DCAF17: variants seen among roughly 807,000 people sequenced by gnomAD.
DCAF17 encodes the protein DDB1- and CUL4-associated factor 17.
In DCAF17, 48 loss-of-function variants were observed where a neutral mutation model predicts 66.0. The observed-to-expected ratio is 0.73, with a 90% CI of 0.58 to 0.92. The LOEUF is 0.92. DCAF17 is among the 40% of genes least tolerant of loss of function. DCAF17 has a pLI of 0.00. For missense variants in DCAF17, 562 were observed against 622.8 expected (o/e 0.90, Z 1.04); for synonymous variants, 206 against 214.6 (o/e 0.96, Z 0.35).
chr2:171,482,795 CT>C lies in DCAF17; in HGVS notation c.*1687del, dbSNP rs1277909417. 4 of 453,590 alleles carry C rather than the reference CT, an allele frequency of 8.8e-6. No individual in the cohort carries two copies. Among genetic ancestry groups the C allele is most frequent in the Non-Finnish European group, 1.3e-5 (3 of 226,708 alleles). 28.1% of individuals were successfully genotyped at this position (453,590 alleles called of 1,614,324 possible). ...TGAGAAATAGCTGAATTCCTGGCTG[CT>C]TTTTTGCTGGGGGTAGATGGTGGAA... On this transcript the variant is annotated 3_prime_UTR_variant, in exon 14 of 14. Coordinates refer to ENST00000375255, the MANE Select transcript of DCAF17 (RefSeq NM_025000.4).
intron 4 of DCAF17, among the ~76,000 whole-genome samples, chr2:171,449,506 T>A (rs13396824): frequency 0.056 from 8,507 of 152,316 alleles, 269 homozygotes; most frequent in African/African-American, 0.072. Flanking sequence ...ACTATTAGTT[T>A]TATAAATTAG....
chr2:171,462,308 A>G (rs1000029612), intron 8 of DCAF17, among the ~76,000 whole-genome samples: 6 of 152,212 alleles, frequency 3.9e-5, no homozygotes, highest in Non-Finnish European at 8.8e-5. Flanking sequence ...AACAGGAGAC[A>G]TAGTTACAAA....
In DCAF17 at chr2:171,482,893, C is replaced by G. The variant is rs1301034076; in HGVS notation, c.*1779C>G. On this transcript the variant is annotated 3_prime_UTR_variant, in exon 14 of 14. Transcript: ENST00000375255. ...TCACCACTGCCTAAATCTAACTAGACCAGGGTCCAAATGCCATCCAGGCCA... is the reference window on the plus strand; with the variant it reads ...TCACCACTGCCTAAATCTAACTAGAGCAGGGTCCAAATGCCATCCAGGCCA... 3 of 454,034 alleles carry G rather than the reference C, an allele frequency of 6.6e-6. No homozygotes were observed. Among genetic ancestry groups the G allele is most frequent in the South Asian group, 4.7e-5 (3 of 64,466 alleles). 28.1% of individuals were successfully genotyped at this position (454,034 alleles called of 1,614,324 possible). A position where few individuals can be genotyped will look rare whatever the true frequency, so the allele number is the denominator to read the frequency against.
At chr2:171,467,942 C>T (rs528625147) in intron 8 of DCAF17, among the ~76,000 whole-genome samples, 78 of 152,144 alleles carry the variant, frequency 5.1e-4, no homozygotes, top group African/African-American at 1.8e-3. Flanking sequence ...CTTCCTAAGA[C>T]AAGCCCCTTT....
At chr2:171,442,257 C>A (rs1694345781) in intron 2 of DCAF17, among the ~76,000 whole-genome samples, 1 of 152,090 alleles carries the variant, frequency 6.6e-6, no homozygotes. Flanking sequence ...TTTCAAAGTT[C>A]ATTTAAAAAA....
Position 171,472,658 on chromosome 2 carries a change from GTTA to G in DCAF17, c.982-1202_982-1200del, listed in dbSNP as rs1696311931. On this transcript the variant is annotated intron_variant, in intron 9 of 13. Coordinates refer to ENST00000375255, the MANE Select transcript of DCAF17 (RefSeq NM_025000.4). ...CACAATCATAGCTCACAATAACTGC[GTTA>G]TTATTTTTTGTTTATGTTTCTGCCT... 2.0e-5 allele frequency among the ~76,000 whole-genome samples: 3 copies of G among 152,168 alleles called. No homozygotes were observed. The South Asian group carries it at 6.2e-4, about 32-fold the overall frequency.
intron 10 of DCAF17, 127 bp from the exon 11 acceptor site, chr2:171,476,733 T>G (rs1696514065): frequency 1.5e-6 from 1 of 686,330 alleles, no homozygotes. Context: ...TATTGTAGAC[T>G]AATCAAGAGA....
chr2:171,482,853 G>T lies in DCAF17; in HGVS notation c.*1739G>T, dbSNP rs771570661. 6.6e-6 allele frequency: 3 copies of T among 454,008 alleles called. No individual in the cohort carries two copies. The highest frequency in any genetic ancestry group is 4.7e-5 in the South Asian group (3 of 64,472). The allele number at this position is 454,008 out of a possible 1,614,324, so 28.1% of individuals were successfully genotyped here. On this transcript the variant is annotated 3_prime_UTR_variant, in exon 14 of 14. Transcript: ENST00000375255. The stretch of plus-strand genomic sequence containing the variant: ...TGGTCTAGATATAACTTACCACTAA[G>T]AAACCCCCAGTATGTCACCACTGCC...
At chr2:171,450,837 C>A (rs1200342696) in intron 5 of DCAF17, among the ~76,000 whole-genome samples, 2 of 152,076 alleles carry the variant, frequency 1.3e-5, no homozygotes, top group Non-Finnish European at 2.9e-5. Context: ...TCAGTAGATA[C>A]TTTTATCATC....
rs1405585975 is a variant in DCAF17, at chr2:171,484,546, G to C, written c.*3432G>C. ...ACTTCCCCCTAGTACTTCAACTGCA[G>C]ATTATTAACTAGAGTTTAGTATTTA... is the stretch of plus-strand genomic sequence containing the variant. On this transcript the variant is annotated 3_prime_UTR_variant, in exon 14 of 14. Coordinates refer to ENST00000375255, the MANE Select transcript of DCAF17 (RefSeq NM_025000.4). The C allele has an allele frequency of 2.2e-6, 1 of 452,300 alleles. No homozygotes were observed. Among genetic ancestry groups the C allele is most frequent in the Admixed American group, 2.4e-5 (1 of 42,452 alleles). The allele number at this position is 452,300 out of a possible 1,614,324, so 28.0% of individuals were successfully genotyped here.
chr2:171,463,183 C>T (rs4496302), intron 8 of DCAF17, among the ~76,000 whole-genome samples: 32,296 of 149,980 alleles, frequency 0.22, 3,555 homozygotes, highest in South Asian at 0.28. Flanking sequence ...GTGAGTGAGA[C>T]TGCGCCACTG....
chr2:171,477,880 A>T (rs940956118), intron 11 of DCAF17, 107 bp from the exon 12 acceptor site: 4 of 830,180 alleles, frequency 4.8e-6, no homozygotes, highest in East Asian at 2.7e-5. Flanking sequence ...AGAATTGTGG[A>T]TGTGGGAGAA....
intron 2 of DCAF17, among the ~76,000 whole-genome samples, chr2:171,442,238 G>A (rs1478511364): frequency 2.0e-5 from 3 of 152,154 alleles, no homozygotes; most frequent in Non-Finnish European, 4.4e-5. Context: ...TCTTTCAACA[G>A]TAATTTAATT....
rs533535391 is a variant in DCAF17 at position 171,464,432 on chromosome 2, G to C, written c.839-4456G>C. 2.0e-5 allele frequency among the ~76,000 whole-genome samples: 3 copies of C among 152,214 alleles called. No homozygotes were observed. The South Asian group carries it at 6.2e-4, about 32-fold the overall frequency. Reference sequence around the variant, plus strand: ...TTGTGGCAGCATAACTCCAAATTCTGCCTCTCACTTTTCCATGGCCTTTCT... The same window carrying C: ...TTGTGGCAGCATAACTCCAAATTCTCCCTCTCACTTTTCCATGGCCTTTCT... On this transcript the variant is annotated intron_variant, in intron 8 of 13. Transcript: ENST00000375255.
At chr2:171,468,846 C>T in intron 8 of DCAF17, 42 bp from the exon 9 acceptor site, 1 of 1,613,806 alleles carries the variant, frequency 6.2e-7, no homozygotes, top group South Asian at 1.1e-5. Context: ...CCAGAGCCCC[C>T]AGAACAGTGC....
At chr2:171,452,710 T>C (rs1695025037) in intron 5 of DCAF17, among the ~76,000 whole-genome samples, 1 of 152,196 alleles carries the variant, frequency 6.6e-6, no homozygotes, top group Non-Finnish European at 1.5e-5. Context: ...GCGATCCTCC[T>C]GCCTTAGCCT....
intron 2 of DCAF17, among the ~76,000 whole-genome samples, chr2:171,440,474 A>T (rs1694243976): frequency 6.6e-6 from 1 of 152,000 alleles, no homozygotes; most frequent in Non-Finnish European, 1.5e-5. Flanking sequence ...ACCAGGGAGG[A>T]TGAGGTGGGA....
rs1363225398 is a variant in DCAF17, at chr2:171,473,870, A to C, written c.986A>C (p.Lys329Thr). Reference sequence around the variant, plus strand: ...AATACTTTTTTCCAACTTCAGGCAAAAAATGGGATCCAAGAAATGGATTGT... The same window carrying C: ...AATACTTTTTTCCAACTTCAGGCAACAAATGGGATCCAAGAAATGGATTGT... The part of the protein sequence containing the change: ...ICALKDNSLA[K>T]NGIQEMDCCS... The change falls in exon 10 of 14, where the codon AAA (lysine) becomes ACA (threonine). Residue 329 changes from lysine to threonine, a missense_variant. By Grantham distance (78) the Lys-to-Thr change is moderately conservative. Coordinates refer to ENST00000375255, the MANE Select transcript of DCAF17 (RefSeq NM_025000.4). The C allele has an allele frequency of 3.1e-6, 5 of 1,613,316 alleles. No homozygotes were observed. In the South Asian group the frequency reaches 5.5e-5, roughly 18 times the overall value.
At chr2:171,440,553 A>T (rs1694248830) in intron 2 of DCAF17, among the ~76,000 whole-genome samples, 1 of 152,342 alleles carries the variant, frequency 6.6e-6, no homozygotes, top group East Asian at 1.9e-4. Flanking sequence ...CAGCCTGAGC[A>T]ACAGAGCGAG....
Sources: allele counts gnomAD v4.1 joint callset (sites outside exome capture counted in the v4.1 genomes callset), GRCh38; gene constraint gnomAD v4.1.1; transcripts MANE v1.5; gene names NCBI Gene and HGNC (gene_info 2026-07-23, HGNC 2026-07-21).